Variants in GPC6 observed in about 807,000 individuals in gnomAD.
GPC6 encodes the protein glypican 6.
Under a neutral mutation model 55.2 loss-of-function variants are expected in GPC6, and 14 were observed. The ratio of observed to expected loss-of-function variants is 0.25; its 90% CI spans 0.17 to 0.40. The LOEUF (loss-of-function observed/expected upper bound fraction) is 0.40, where lower values mean the gene tolerates loss of function less well. Among genes scored for constraint, GPC6 ranks in the 10% least tolerant of loss-of-function variants. The pLI is 1.00. For missense variants in GPC6, 641 were observed against 708.5 expected (o/e 0.90, Z 1.08); for synonymous variants, 278 against 259.6 (o/e 1.07, Z -0.68).
chr13:93,936,143 G>A (rs926991149), intron 3 of GPC6, among the ~76,000 whole-genome samples: 5 of 152,106 alleles, frequency 3.3e-5, no homozygotes, highest in Non-Finnish European at 1.5e-5. Context: ...GGATTGTAGA[G>A]AAACAATATC....
intron 1 of GPC6, among the ~76,000 whole-genome samples, chr13:93,439,700 A>T (rs1034936770): frequency 1.8e-4 from 25 of 138,698 alleles, no homozygotes; most frequent in African/African-American, 7.5e-4. Flanking sequence ...TAAAAAAAAT[A>T]AAATAAAATA....
intron 4 of GPC6, among the ~76,000 whole-genome samples, chr13:94,192,149 T>C (rs1413965175): frequency 6.6e-6 from 1 of 152,208 alleles, no homozygotes; most frequent in Non-Finnish European, 1.5e-5. Flanking sequence ...ATATTTTACA[T>C]AGAGGTTGCT....
At chr13:93,751,219 T>G (rs1884575912) in intron 2 of GPC6, among the ~76,000 whole-genome samples, 1 of 152,124 alleles carries the variant, frequency 6.6e-6, no homozygotes. Flanking sequence ...GAAGCAAGCC[T>G]GTATGGAGTG....
intron 1 of GPC6, among the ~76,000 whole-genome samples, chr13:93,380,420 T>C (rs1040018104): frequency 1.3e-5 from 2 of 152,186 alleles, no homozygotes; most frequent in African/African-American, 4.8e-5. Flanking sequence ...ATTGGTAAGG[T>C]CATATAAATG....
chr13:94,206,664 G>A (rs539280921), intron 4 of GPC6, among the ~76,000 whole-genome samples: 1 of 152,018 alleles, frequency 6.6e-6, no homozygotes, highest in East Asian at 1.9e-4. Context: ...GACCAGCCTG[G>A]GCAACATGGA....
rs16949141 is a variant in GPC6, at chr13:93,721,747, C to T, written c.320-108407C>T. Among the ~76,000 whole-genome samples the T allele has an allele frequency of 2.1e-3, 321 of 151,546 alleles. 1 individual carries two copies. Among genetic ancestry groups the T allele is most frequent in the African/African-American group, 6.7e-3 (278 of 41,374 alleles). On this transcript the variant is annotated intron_variant, in intron 2 of 8. Coordinates refer to ENST00000377047, the MANE Select transcript of GPC6 (RefSeq NM_005708.5). Reference sequence around the variant, plus strand: ...CTTAGTCCTTATGTGTCTGTGGTATCGAGAGATAATCAGCTTTAAGTAACT... The same window carrying T: ...CTTAGTCCTTATGTGTCTGTGGTATTGAGAGATAATCAGCTTTAAGTAACT...
intron 2 of GPC6, among the ~76,000 whole-genome samples, chr13:93,627,130 T>A (rs992501366): frequency 1.3e-5 from 2 of 152,056 alleles, no homozygotes; most frequent in Non-Finnish European, 2.9e-5. Context: ...CATTAGGTAT[T>A]TCTCCTAATG....
chr13:94,154,637 T>G (rs1367072796), intron 4 of GPC6, among the ~76,000 whole-genome samples: 3 of 152,162 alleles, frequency 2.0e-5, no homozygotes, highest in African/African-American at 7.2e-5. Context: ...GCTTTGCTCA[T>G]TTTAAACTTG....
chr13:93,343,455 A>G (rs1880330212), intron 1 of GPC6, among the ~76,000 whole-genome samples: 1 of 152,218 alleles, frequency 6.6e-6, no homozygotes, highest in South Asian at 2.1e-4. Flanking sequence ...ACTCACCAGT[A>G]ACATTGTTAA....
chr13:93,236,800 A>T (rs1384476048), intron 1 of GPC6, among the ~76,000 whole-genome samples: 1 of 151,988 alleles, frequency 6.6e-6, no homozygotes, highest in Non-Finnish European at 1.5e-5. Flanking sequence ...CTTATCTCCC[A>T]CTTATTAGTG....
chr13:93,487,255 A>C (rs934481658), intron 1 of GPC6, among the ~76,000 whole-genome samples: 7 of 152,154 alleles, frequency 4.6e-5, no homozygotes, highest in Non-Finnish European at 7.4e-5. Context: ...GTTCAGGGAT[A>C]TATGTCCAGG....
intron 3 of GPC6, among the ~76,000 whole-genome samples, chr13:93,946,015 A>C (rs1878992543): frequency 6.6e-6 from 1 of 152,244 alleles, no homozygotes. Flanking sequence ...GTGAATCTGC[A>C]TTAATAACAA....
intron 1 of GPC6, among the ~76,000 whole-genome samples, chr13:93,265,390 A>G (rs925167905): frequency 2.0e-5 from 3 of 152,242 alleles, no homozygotes; most frequent in African/African-American, 7.2e-5. Flanking sequence ...GAGTACTCGC[A>G]TGACACCATA....
chr13:94,176,076 A>G (rs1888756075), intron 4 of GPC6, among the ~76,000 whole-genome samples: 1 of 151,738 alleles, frequency 6.6e-6, no homozygotes, highest in Non-Finnish European at 1.5e-5. Context: ...GAGGTTCTTT[A>G]TATATCCTGG....
intron 4 of GPC6, among the ~76,000 whole-genome samples, chr13:94,245,738 C>CTG (rs746211185): frequency 6.7e-4 from 102 of 151,258 alleles, no homozygotes; most frequent in Admixed American, 3.7e-3. Flanking sequence ...GTGTGTGTGT[C>CTG]TGTGTGTGTG....
intron 2 of GPC6, among the ~76,000 whole-genome samples, chr13:93,657,895 A>T (rs1880752877): frequency 6.6e-6 from 1 of 152,078 alleles, no homozygotes; most frequent in South Asian, 2.1e-4. Flanking sequence ...AATCAAAACC[A>T]TAAGGAAATC....
intron 3 of GPC6, among the ~76,000 whole-genome samples, chr13:93,941,135 A>G (rs1594605936): frequency 6.6e-6 from 1 of 152,228 alleles, no homozygotes; most frequent in Admixed American, 6.5e-5. Flanking sequence ...GCTATGATGA[A>G]CCCATGAGTA....
intron 3 of GPC6, among the ~76,000 whole-genome samples, chr13:93,963,795 CAGAATTTCAACAGATGTGACAA>C (rs1413243850): frequency 1.3e-5 from 2 of 152,128 alleles, no homozygotes; most frequent in African/African-American, 4.8e-5. Context: ...AATTTTCAAA[CAGAATTTCAACAGATGTGACAA>C]TTTTACCAAG....
chr13:93,490,650 C>T (rs1325766136), intron 1 of GPC6, among the ~76,000 whole-genome samples: 42 of 119,450 alleles, frequency 3.5e-4, no homozygotes, highest in Non-Finnish European at 6.8e-4. Flanking sequence ...GGTATATCTC[C>T]CAGTGCTATC....
Sources: gnomAD v4.1 joint callset for allele counts (sites outside exome capture counted in the v4.1 genomes callset) on GRCh38, gnomAD v4.1.1 for gene constraint, MANE v1.5 for transcripts, NCBI Gene and HGNC (gene_info 2026-07-23, HGNC 2026-07-21) for gene names.